TFDP2: variants seen among roughly 807,000 people sequenced by gnomAD.
TFDP2 encodes transcription factor Dp-2 (E2F dimerization partner 2).
A neutral mutation model predicts 59.3 loss-of-function variants in TFDP2; 17 were observed. The ratio of observed to expected loss-of-function variants is 0.29; its 90% CI spans 0.20 to 0.43. The LOEUF is 0.43. TFDP2 is among the 20% of genes least tolerant of loss of function. TFDP2 has a pLI of 1.00. For missense variants in TFDP2, 391 were observed against 528.8 expected (o/e 0.74, Z 2.56); for synonymous variants, 180 against 194.7 (o/e 0.92, Z 0.63).
intron 3 of TFDP2, among the ~76,000 whole-genome samples, chr3:142,039,125 ACTG>A (rs1450955009): frequency 6.6e-6 from 1 of 152,206 alleles, no homozygotes; most frequent in East Asian, 1.9e-4. Flanking sequence ...TGCTAATGTC[ACTG>A]GCAAAAATCA....
At chr3:142,018,198 C>T (rs1945290307) in intron 3 of TFDP2, among the ~76,000 whole-genome samples, 1 of 152,130 alleles carries the variant, frequency 6.6e-6, no homozygotes, top group Admixed American at 6.6e-5. Context: ...CCCACCTTGG[C>T]CTCCCAAAGT....
intron 1 of TFDP2, among the ~76,000 whole-genome samples, chr3:142,109,243 G>A (rs1473177749): frequency 6.6e-6 from 1 of 151,912 alleles, no homozygotes; most frequent in African/African-American, 2.4e-5. Flanking sequence ...AAAAATGTAC[G>A]AGAATCCCAT....
chr3:142,143,583 G>A (rs1030002638), intron 1 of TFDP2, among the ~76,000 whole-genome samples: 1 of 152,176 alleles, frequency 6.6e-6, no homozygotes, highest in African/African-American at 2.4e-5. Flanking sequence ...ATTAAAAAAT[G>A]AGCAAAAGAT....
At chr3:142,141,162 G>A (rs971224747) in intron 1 of TFDP2, among the ~76,000 whole-genome samples, 2 of 152,232 alleles carry the variant, frequency 1.3e-5, no homozygotes, top group African/African-American at 4.8e-5. Context: ...CACGGATGTG[G>A]GGCCCGCCAA....
rs1935790455 is a variant in TFDP2, at chr3:141,950,203, G to C, written c.*2310C>G. ...ATAAATGTTGAGGGGGAATACAGAA[G>C]AGAATTGACCTTTCTGAACAGCTCA... On this transcript the variant is annotated 3_prime_UTR_variant, in exon 13 of 13. Coordinates refer to ENST00000489671, the MANE Select transcript of TFDP2 (RefSeq NM_001178139.2). 6.6e-6 allele frequency: 1 copy of C among 152,194 alleles called. No individual in the cohort carries two copies. Among genetic ancestry groups the C allele is most frequent in the South Asian group, 2.1e-4 (1 of 4,832 alleles). The allele number at this position is 152,194 out of a possible 1,614,324, so 9.4% of individuals were successfully genotyped here.
intron 3 of TFDP2, among the ~76,000 whole-genome samples, chr3:142,039,647 C>A (rs1946861152): frequency 6.6e-6 from 1 of 152,138 alleles, no homozygotes; most frequent in Admixed American, 6.6e-5. Context: ...AAGTACCACC[C>A]CTGGGGTTCA....
intron 2 of TFDP2, among the ~76,000 whole-genome samples, chr3:142,098,385 T>G (rs2061229750): frequency 6.6e-6 from 1 of 151,280 alleles, no homozygotes; most frequent in South Asian, 2.1e-4. Context: ...AGATACTATT[T>G]GATAGCAATT....
chr3:142,011,842 C>T (rs1389149941), intron 3 of TFDP2, among the ~76,000 whole-genome samples: 1 of 152,070 alleles, frequency 6.6e-6, no homozygotes, highest in Non-Finnish European at 1.5e-5. Context: ...CTGTTCCCTG[C>T]ACTCAAGGGA....
chr3:142,007,241 AT>A (rs1002191272), intron 3 of TFDP2, among the ~76,000 whole-genome samples: 1 of 152,134 alleles, frequency 6.6e-6, no homozygotes, highest in African/African-American at 2.4e-5. Context: ...AATTCCACAT[AT>A]AAAAATCAAA....
chr3:142,038,383 CAAAAAAA>C (rs1184364752), intron 3 of TFDP2, among the ~76,000 whole-genome samples: 32 of 41,422 alleles, frequency 7.7e-4, no homozygotes, highest in African/African-American at 1.7e-3. Context: ...GACTCCATCT[CAAAAAAA>C]AAAAAAAAAA....
At chr3:141,960,737 C>T (rs1361530219) in intron 10 of TFDP2, among the ~76,000 whole-genome samples, 3 of 151,594 alleles carry the variant, frequency 2.0e-5, no homozygotes, top group Admixed American at 2.0e-4. Flanking sequence ...GATTAAAGTA[C>T]AATAACAACT....
chr3:142,069,562 T>C (rs1007272216), intron 3 of TFDP2, among the ~76,000 whole-genome samples: 21 of 152,186 alleles, frequency 1.4e-4, no homozygotes, highest in African/African-American at 3.8e-4. Context: ...GAAAGCATGT[T>C]ACCTTACACC....
chr3:142,043,904 G>A (rs1286335362), intron 3 of TFDP2: 16 of 967,822 alleles, frequency 1.7e-5, no homozygotes, highest in South Asian at 5.1e-5. Context: ...CTAAGCAGCC[G>A]GCGCAGAATC....
chr3:142,038,110 C>A (rs1373235651), intron 3 of TFDP2, among the ~76,000 whole-genome samples: 1 of 152,240 alleles, frequency 6.6e-6, no homozygotes, highest in East Asian at 1.9e-4. Context: ...AAGGGCCAGG[C>A]GCAGTGGCAC....
At chr3:141,961,893 G>T (rs910413619) in intron 10 of TFDP2, among the ~76,000 whole-genome samples, 1 of 152,078 alleles carries the variant, frequency 6.6e-6, no homozygotes, top group Non-Finnish European at 1.5e-5. Flanking sequence ...AGCTATAATC[G>T]TGCCTGTAAA....
intron 1 of TFDP2, among the ~76,000 whole-genome samples, chr3:142,108,891 A>G (rs958766351): frequency 6.6e-6 from 1 of 151,964 alleles, no homozygotes; most frequent in Non-Finnish European, 1.5e-5. Flanking sequence ...TCTGTCTGGA[A>G]CCTTTACCTG....
chr3:141,970,818 T>C (rs1204029991), intron 8 of TFDP2, among the ~76,000 whole-genome samples: 1 of 152,086 alleles, frequency 6.6e-6, no homozygotes, highest in Non-Finnish European at 1.5e-5. Context: ...TCCCAACACT[T>C]TGGGAGGCCG....
intron 5 of TFDP2, 86 bp downstream of exon 5, chr3:141,994,934 A>C (rs1943123740): frequency 8.0e-7 from 1 of 1,249,496 alleles, no homozygotes. Context: ...AACTAAACTA[A>C]AACAAGAACA....
intron 3 of TFDP2, among the ~76,000 whole-genome samples, chr3:142,058,336 T>TA (rs961702147): frequency 6.7e-6 from 1 of 149,238 alleles, no homozygotes; most frequent in African/African-American, 2.4e-5. Context: ...TTTTTTTTTT[T>TA]AAATCACACC....
Sources: allele counts gnomAD v4.1 joint callset (sites outside exome capture counted in the v4.1 genomes callset), GRCh38; gene constraint gnomAD v4.1.1; transcripts MANE v1.5; gene names NCBI Gene and HGNC (gene_info 2026-07-23, HGNC 2026-07-21).